Variants in PRKAG2 observed in about 807,000 individuals in gnomAD.
The protein encoded by PRKAG2 is 5'-AMP-activated protein kinase subunit gamma-2.
A neutral mutation model predicts 69.6 loss-of-function variants in PRKAG2; 26 were observed. That is an observed-to-expected ratio of 0.37 (90% CI 0.27 to 0.52). The LOEUF is 0.52. Among genes scored for constraint, PRKAG2 ranks in the 20% least tolerant of loss-of-function variants. The probability of loss-of-function intolerance (pLI) is 0.90; values close to 1 mark genes in which losing one functional copy is unlikely to be tolerated. For synonymous variants in PRKAG2, 293 were observed against 285.0 expected (o/e 1.03, Z -0.28); for missense variants, 557 against 740.0 (o/e 0.75, Z 2.87).
intron 3 of PRKAG2, among the ~76,000 whole-genome samples, chr7:151,739,676 G>T (rs2151707913): frequency 6.6e-6 from 1 of 152,170 alleles, no homozygotes; most frequent in African/African-American, 2.4e-5. Flanking sequence ...TCGCCATGTT[G>T]CCCAGGCTGG....
rs182109073 is a variant in PRKAG2, at chr7:151,562,202, G to C, written c.1585-1585C>G. Among the ~76,000 whole-genome samples the C allele has an allele frequency of 2.3e-5, 3 of 130,218 alleles. No homozygotes were observed. In the East Asian group the frequency reaches 7.2e-4, roughly 31 times the overall value. 85.4% of individuals were successfully genotyped at this position (130,218 alleles called of 152,430 possible). The stretch of plus-strand genomic sequence containing the variant: ...GGAGGTTGTAGTGAGCTGAGATTGC[G>C]CCACTGCACTCCAGCCTGGGCGACA... On this transcript the variant is annotated intron_variant, in intron 14 of 15. Coordinates refer to ENST00000287878, the MANE Select transcript of PRKAG2 (RefSeq NM_016203.4).
intron 14 of PRKAG2, among the ~76,000 whole-genome samples, chr7:151,562,463 G>C (rs1280106578): frequency 8.1e-6 from 1 of 123,506 alleles, no homozygotes; most frequent in African/African-American, 3.7e-5. Context: ...GGTTGCTTTA[G>C]GTTAATAATA....
At chr7:151,661,338 C>T (rs1860734) in intron 4 of PRKAG2, among the ~76,000 whole-genome samples, 79,507 of 151,996 alleles carry the variant, frequency 0.52, 21,440 homozygotes, top group South Asian at 0.63. Flanking sequence ...CCACCGCACC[C>T]GGCTAATTTT....
At chr7:151,677,903 G>A (rs774206484) in intron 3 of PRKAG2, among the ~76,000 whole-genome samples, 1 of 152,206 alleles carries the variant, frequency 6.6e-6, no homozygotes, top group Non-Finnish European at 1.5e-5. Context: ...CTCGATTTGC[G>A]AATCGTTCAT....
chr7:151,652,027 G>C (rs189322847), intron 4 of PRKAG2, among the ~76,000 whole-genome samples: 327 of 152,316 alleles, frequency 2.1e-3, no homozygotes, highest in Admixed American at 6.5e-3. Flanking sequence ...GCTAAGTGTA[G>C]ATTTTAAGTG....
chr7:151,639,143 G>C (rs575335536), intron 4 of PRKAG2, among the ~76,000 whole-genome samples: 24 of 152,244 alleles, frequency 1.6e-4, no homozygotes, highest in African/African-American at 5.8e-4. Flanking sequence ...ATCTCCACTG[G>C]AGTTTTCTAC....
intron 1 of PRKAG2, among the ~76,000 whole-genome samples, chr7:151,827,929 G>T (rs1275847658): frequency 6.6e-6 from 1 of 152,040 alleles, no homozygotes; most frequent in African/African-American, 2.4e-5. Context: ...TTCCAGCTTC[G>T]CAGCAGATGC....
At chr7:151,661,357 T>C (rs907167338) in intron 4 of PRKAG2, among the ~76,000 whole-genome samples, 1 of 152,162 alleles carries the variant, frequency 6.6e-6, no homozygotes, top group Non-Finnish European at 1.5e-5. Flanking sequence ...TTTATGTTTT[T>C]GGTAGAGACG....
intron 4 of PRKAG2, among the ~76,000 whole-genome samples, chr7:151,659,703 G>A (rs551728331): frequency 1.3e-5 from 2 of 152,196 alleles, no homozygotes; most frequent in African/African-American, 2.4e-5. Flanking sequence ...ATCTATAGAC[G>A]TGTGTCTTGG....
chr7:151,641,556 CTTT>C (rs1826701915), intron 4 of PRKAG2, among the ~76,000 whole-genome samples: 1 of 151,100 alleles, frequency 6.6e-6, no homozygotes, highest in Non-Finnish European at 1.5e-5. Flanking sequence ...CCCTTTCTTT[CTTT>C]TTTAAGAGAC....
chr7:151,574,754 GAAAA>G, intron 8 of PRKAG2, 133 bp downstream of exon 8: 1 of 1,238,972 alleles, frequency 8.1e-7, no homozygotes, highest in Non-Finnish European at 1.1e-6. Context: ...TATAGATTTG[GAAAA>G]TCACCATCAG....
At chr7:151,640,733 A>G (rs965621462) in intron 4 of PRKAG2, among the ~76,000 whole-genome samples, 2 of 152,066 alleles carry the variant, frequency 1.3e-5, no homozygotes, top group African/African-American at 2.4e-5. Flanking sequence ...TACTTCTCTG[A>G]ACCCACATGC....
intron 3 of PRKAG2, among the ~76,000 whole-genome samples, chr7:151,698,845 G>A (rs1837170568): frequency 6.6e-6 from 1 of 152,182 alleles, no homozygotes; most frequent in Non-Finnish European, 1.5e-5. Context: ...CAGGGGAATG[G>A]GTGCAATGGA....
At chr7:151,579,315 C>T (rs768138116) in intron 6 of PRKAG2, among the ~76,000 whole-genome samples, 6 of 152,218 alleles carry the variant, frequency 3.9e-5, no homozygotes, top group Non-Finnish European at 7.3e-5. Context: ...AGCCACTGCA[C>T]CTGGCCAGGG....
intron 5 of PRKAG2, among the ~76,000 whole-genome samples, chr7:151,623,481 C>T (rs1297319947): frequency 6.8e-6 from 1 of 147,442 alleles, no homozygotes; most frequent in Non-Finnish European, 1.5e-5. Context: ...TGCTGTTGAT[C>T]TGATAGGAGG....
intron 6 of PRKAG2, among the ~76,000 whole-genome samples, chr7:151,593,550 T>C (rs1813741725): frequency 6.6e-6 from 1 of 152,052 alleles, no homozygotes; most frequent in African/African-American, 2.4e-5. Flanking sequence ...ATCTGGTATT[T>C]TAAAAAGTAA....
At chr7:151,786,156 T>A (rs1479847488) in intron 2 of PRKAG2, among the ~76,000 whole-genome samples, 1 of 152,206 alleles carries the variant, frequency 6.6e-6, no homozygotes, top group Non-Finnish European at 1.5e-5. Context: ...TCCACCGGGC[T>A]TAGCTCACTG....
At chr7:151,718,222 T>C (rs1586024877) in intron 3 of PRKAG2, among the ~76,000 whole-genome samples, 1 of 151,996 alleles carries the variant, frequency 6.6e-6, no homozygotes, top group African/African-American at 2.4e-5. Flanking sequence ...TGTTGGTTTC[T>C]GGTGAGGACC....
At chr7:151,763,063 C>T (rs900056285) in intron 3 of PRKAG2, among the ~76,000 whole-genome samples, 1 of 152,248 alleles carries the variant, frequency 6.6e-6, no homozygotes, top group African/African-American at 2.4e-5. Context: ...CCCTCTCAGC[C>T]TGCACGTGCT....
Sources: allele counts gnomAD v4.1 joint callset (sites outside exome capture counted in the v4.1 genomes callset), GRCh38; gene constraint gnomAD v4.1.1; transcripts MANE v1.5; gene names NCBI Gene and HGNC (gene_info 2026-07-23, HGNC 2026-07-21).